The following STK36 variants were observed in gnomAD, a reference collection of about 807,000 sequenced individuals.
The protein encoded by STK36 is serine/threonine kinase 36.
Under a neutral mutation model 142.2 loss-of-function variants are expected in STK36, and 116 were observed. The observed-to-expected ratio is 0.82, with a 90% CI of 0.70 to 0.95. The LOEUF is 0.95. Ranked by LOEUF, STK36 falls within the 40% of genes least tolerant of loss-of-function variation. The pLI, the probability that STK36 is intolerant of heterozygous loss-of-function variation, is 0.00. For synonymous variants in STK36, 619 were observed against 641.7 expected (o/e 0.96, Z 0.53); for missense variants, 1,422 against 1,617.2 (o/e 0.88, Z 2.07).
intron 2 of STK36, chr2:218,673,368 G>C: frequency 2.1e-6 from 1 of 486,230 alleles, no homozygotes; most frequent in South Asian, 3.7e-5. Flanking sequence ...CTCATCTTGA[G>C]TGCTGGTCAA....
At chr2:218,696,411 C>A in intron 21 of STK36, 116 bp from the exon 22 acceptor site, 1 of 854,876 alleles carries the variant, frequency 1.2e-6, no homozygotes, top group Non-Finnish European at 2.0e-6. Flanking sequence ...ATATATTCTA[C>A]CTTCCGGTTG....
At chr2:218,692,745 C>A in intron 16 of STK36, 35 bp downstream of exon 16, 1 of 1,591,588 alleles carries the variant, frequency 6.3e-7, no homozygotes. Context: ...TCTCATCCTA[C>A]TGCCAGAGGA....
rs371226264 is a variant in STK36 at position 218,679,138 on chromosome 2, T to G, written c.685-30T>G. 3.3e-4 allele frequency: 523 copies of G among 1,603,598 alleles called. 3 individuals are homozygous for G. The highest frequency in any genetic ancestry group is 7.9e-5 in the Non-Finnish European group (93 of 1,171,000). On this transcript the variant is annotated intron_variant, in intron 6 of 26. Transcript: ENST00000295709. ...GAGAGACTTAAGGGAAGGGAAAGAA[T>G]GACTGATGGAATATTTTTTCTCTCT...
chr2:218,698,978 G>A lies in STK36; in HGVS notation c.3434G>A (p.Gly1145Glu), dbSNP rs1292120651. ...CTCCAACACAGCATGGCCCTGCGTG[G>A]GGCACTGCAGAGCCAGTCTGGACTG... The part of the protein sequence containing the change: ...HLLQHSMALR[G>E]ALQSQSGLLS... The change falls in exon 26 of 27, where the codon GGG (glycine) becomes GAG (glutamate). Residue 1145 changes from glycine (G) to glutamate (E), a missense_variant. Transcript: ENST00000295709. The A allele has an allele frequency of 1.3e-5, 21 of 1,614,124 alleles. No homozygotes were observed. The highest frequency in any genetic ancestry group is 1.7e-5 in the Non-Finnish European group (20 of 1,180,030).
At position 218,694,107 on chromosome 2, in the gene STK36, G is replaced by A; in HGVS notation, c.2336+124G>A. The A allele has an allele frequency of 8.2e-7, 1 of 1,218,976 alleles. No homozygotes were observed. Among genetic ancestry groups the A allele is most frequent in the Non-Finnish European group, 1.2e-6 (1 of 831,284 alleles). 75.5% of individuals were successfully genotyped at this position (1,218,976 alleles called of 1,614,324 possible). On this transcript the variant is annotated intron_variant, in intron 19 of 26. Transcript: ENST00000295709. The surrounding 1 kb of genome is among the most constrained non-coding windows in gnomAD (Gnocchi z 4.4). Reference sequence around the variant, plus strand: ...GAGGAATTGGGATAGAGAGCGTGAAGCTTTCTCTACAAAGAACAGACCTAG... The same window carrying A: ...GAGGAATTGGGATAGAGAGCGTGAAACTTTCTCTACAAAGAACAGACCTAG...
intron 17 of STK36, 35 bp from the exon 18 acceptor site, chr2:218,693,688 C>A: frequency 6.3e-7 from 1 of 1,595,120 alleles, no homozygotes; most frequent in South Asian, 1.1e-5. Context: ...GGGGCCTGCC[C>A]TGCCTCACTG....
chr2:218,678,444 C>T (rs6436065), intron 6 of STK36, among the ~76,000 whole-genome samples: 10,320 of 152,120 alleles, frequency 0.068, 429 homozygotes, highest in African/African-American at 0.11. Flanking sequence ...TAAGTGGAAG[C>T]GGTGCACATA....
intron 5 of STK36, 45 bp downstream of exon 5, chr2:218,675,518 A>ATT (rs775900258): frequency 6.8e-7 from 1 of 1,481,310 alleles, no homozygotes; most frequent in Non-Finnish European, 9.0e-7. Flanking sequence ...TCCACACGGA[A>ATT]TCTTTTTTTT....
chr2:218,698,579 C>G, intron 25 of STK36, 23 bp from the exon 26 acceptor site: 1 of 1,606,690 alleles, frequency 6.2e-7, no homozygotes, highest in Non-Finnish European at 8.5e-7. Context: ...CTCCCTGAAT[C>G]CTTTTACCTC....
At position 218,690,537 on chromosome 2, in the gene STK36, G is replaced by A. The variant is rs1184636173; in HGVS notation, c.1746G>A (p.Leu582=). The change falls in exon 14 of 27, where the codon TTG becomes TTA. Residue 582 remains leucine, a synonymous_variant. Transcript: ENST00000295709. ...AACCAGATGACTCTGAGCAGACTTT[G>A]CGGAGGGACAGCCTTATGGTAATCT... The part of the protein sequence containing the change: ...LAQPDDSEQT[L]RRDSLMCFTV... 6.2e-7 allele frequency: 1 copy of A among 1,614,114 alleles called. No individual in the cohort carries two copies. Among genetic ancestry groups the A allele is most frequent in the Admixed American group, 1.7e-5 (1 of 60,004 alleles).
At chr2:218,680,773 G>T in intron 10 of STK36, 71 bp downstream of exon 10, 1 of 1,360,678 alleles carries the variant, frequency 7.3e-7, no homozygotes, top group East Asian at 2.5e-5. Context: ...TGTTTTTCTA[G>T]AACAGTGATT....
Position 218,689,875 on chromosome 2 carries a change from C to T in STK36, c.1577C>T (p.Thr526Ile). Residue 526 changes from threonine (T) to isoleucine (I), a missense_variant, in exon 13 of 27, where the codon ACC becomes ATC. Around this residue, in one of 2 missense-constraint regions of STK36, gnomAD observed 962 missense variants for 1,167.5 expected, o/e 0.82. Coordinates refer to ENST00000295709, the MANE Select transcript of STK36 (RefSeq NM_015690.5). ...CCTGGGCAGCAATCTTGGTATGGGA[C>T]CTTCTTACAGGACCTGATGGCTGTG... ...NSLQQQSWYG[T>I]FLQDLMAVIQ... 1 of 1,610,124 alleles carries T rather than the reference C, an allele frequency of 6.2e-7. No homozygotes were observed.
intron 2 of STK36, 78 bp downstream of exon 2, chr2:218,672,991 GTATT>G: frequency 7.7e-7 from 1 of 1,303,110 alleles, no homozygotes; most frequent in Non-Finnish European, 1.1e-6. Flanking sequence ...TAGAAGGAAT[GTATT>G]TATACCAGTT....
At position 218,701,905 on chromosome 2, in the gene STK36, C is replaced by T; in HGVS notation, c.3844C>T (p.Leu1282Phe). Residue 1282 changes from leucine (L) to phenylalanine (F), a missense_variant, in exon 27 of 27, where the codon CTC (leucine) becomes TTC (phenylalanine). Physicochemically the swap from Leu to Phe is conservative, Grantham distance 22. This residue lies in a region of STK36 where 962 missense variants were observed against 1,167.5 expected (regional missense o/e 0.82). Coordinates refer to ENST00000295709, the MANE Select transcript of STK36 (RefSeq NM_015690.5). ...SLGASEKLSL[L>F]SLGNQSLPHS... ...GGGTGCCAGTGAGAAACTATCCTTG[C>T]TCTCTCTGGGGAATCAGTCACTGCC... is the stretch of plus-strand genomic sequence containing the variant. The T allele has an allele frequency of 1.2e-6, 2 of 1,614,162 alleles. No homozygotes were observed. The highest frequency in any genetic ancestry group is 1.7e-6 in the Non-Finnish European group (2 of 1,180,032).
intron 10 of STK36, among the ~76,000 whole-genome samples, chr2:218,683,274 AT>A (rs747160623): frequency 0.031 from 4,108 of 133,388 alleles, 167 homozygotes; most frequent in African/African-American, 0.092. Context: ...ATGCCCAGCT[AT>A]TTTTTTTTTT....
At chr2:218,675,510 C>T (rs1339199922) in intron 5 of STK36, 37 bp downstream of exon 5, 5 of 1,552,156 alleles carry the variant, frequency 3.2e-6, no homozygotes, top group Non-Finnish European at 1.7e-6. Context: ...CTTCCAGTTC[C>T]ACACGGAATC....
intron 10 of STK36, among the ~76,000 whole-genome samples, chr2:218,681,031 A>G (rs917562800): frequency 4.6e-5 from 7 of 151,970 alleles, no homozygotes; most frequent in Admixed American, 1.3e-4. Context: ...CTGTTTTTAC[A>G]TTACTGAGTT....
Position 218,685,109 on chromosome 2 carries a change from C to T in STK36, c.1261C>T (p.Gln421Ter), listed in dbSNP as rs775525790. The T allele has an allele frequency of 6.2e-7, 1 of 1,614,124 alleles. No individual in the cohort carries two copies. The highest frequency in any genetic ancestry group is 8.5e-7 in the Non-Finnish European group (1 of 1,180,014). The change falls in exon 11 of 27, where the codon CAG becomes TAG. Residue 421 changes from glutamine (Q) to a stop codon, truncating the protein, a stop_gained. Coordinates refer to ENST00000295709, the MANE Select transcript of STK36 (RefSeq NM_015690.5). LOFTEE classifies it high-confidence loss of function. ...NEEPDSDNEW[Q>*]HLLETTEPVP... is the part of the protein sequence containing the mutation. The stretch of plus-strand genomic sequence containing the variant: ...GGAGCCAGACAGTGACAATGAGTGG[C>T]AGCACCTGCTAGAGACCACTGAGCC...
At position 218,698,010 on chromosome 2, in the gene STK36, G is replaced by A; in HGVS notation, c.3057+9G>A. 6.2e-7 allele frequency: 1 copy of A among 1,614,066 alleles called. No homozygotes were observed. Among genetic ancestry groups the A allele is most frequent in the Non-Finnish European group, 8.5e-7 (1 of 1,180,020 alleles). ...CAGCCCATCTGCTGCAGGTACTTGGGCAGCTAGCATGAAGGTGGGAGAGGA... is the reference window on the plus strand; with the variant it reads ...CAGCCCATCTGCTGCAGGTACTTGGACAGCTAGCATGAAGGTGGGAGAGGA... On this transcript the variant is annotated intron_variant, in intron 25 of 26. Coordinates refer to ENST00000295709, the MANE Select transcript of STK36 (RefSeq NM_015690.5).
Sources: gnomAD v4.1 joint callset for allele counts (sites outside exome capture counted in the v4.1 genomes callset) on GRCh38, gnomAD v4.1.1 for gene constraint, gnomAD v4.1.1 regional missense constraint, Gnocchi (gnomAD v3.1) non-coding constraint, MANE v1.5 for transcripts, NCBI Gene and HGNC (gene_info 2026-07-23, HGNC 2026-07-21) for gene names.